The following SLC6A12 variants were observed in gnomAD, a reference collection of about 807,000 sequenced individuals.
SLC6A12 encodes the protein sodium- and chloride-dependent betaine transporter.
Under a neutral mutation model 73.3 loss-of-function variants are expected in SLC6A12, and 50 were observed. That is an observed-to-expected ratio of 0.68 (90% CI 0.54 to 0.86). The LOEUF (loss-of-function observed/expected upper bound fraction) is 0.86. Among genes scored for constraint, SLC6A12 ranks in the 40% least tolerant of loss-of-function variants. SLC6A12 has a pLI of 0.00. For synonymous variants in SLC6A12, 304 were observed against 309.2 expected, an observed-to-expected ratio of 0.98 and a Z score of 0.18; for missense variants, 648 against 772.8, an observed-to-expected ratio of 0.84 and a Z score of 1.92.
In SLC6A12 at chr12:202,774, C is replaced by A. The variant is rs1044903533; in HGVS notation, c.456G>T (p.Leu152=). 8 of 1,613,930 alleles carry A rather than the reference C, an allele frequency of 5.0e-6. No homozygotes were observed. In the African/African-American group the frequency reaches 8.0e-5, roughly 16 times the overall value. Reference sequence around the variant, plus strand: ...AAAAGTTGTTGCAGGTCGTCCAGGGCAGCTCAGAAGTGAAGGAGCTGAACA... The same window carrying A: ...AAAAGTTGTTGCAGGTCGTCCAGGGAAGCTCAGAAGTGAAGGAGCTGAACA... The part of the protein sequence containing the change: ...FYLFSSFTSE[L]PWTTCNNFWN... The change falls in exon 5 of 16, where the codon CTG becomes CTT. Residue 152 remains leucine, a synonymous_variant. Coordinates refer to ENST00000684302, the MANE Select transcript of SLC6A12 (RefSeq NM_001122848.3).
At chr12:189,925 C>T (rs945903593), downstream of SLC6A12, among the ~76,000 whole-genome samples, 3 of 152,232 alleles carry the variant, frequency 2.0e-5, no homozygotes, top group African/African-American at 4.8e-5. Flanking sequence ...GGGAGGACAT[C>T]GGGCCAGGTG....
downstream of SLC6A12, among the ~76,000 whole-genome samples, chr12:186,441 G>A (rs1404307337): frequency 2.6e-5 from 4 of 152,218 alleles, no homozygotes; most frequent in Non-Finnish European, 5.9e-5. Flanking sequence ...ACAACCATAT[G>A]CATTTCTCAC....
At chr12:187,679 T>C (rs1939462002), downstream of SLC6A12, among the ~76,000 whole-genome samples, 1 of 145,212 alleles carries the variant, frequency 6.9e-6, no homozygotes, top group Non-Finnish European at 1.5e-5. Context: ...CCCCAGCGGG[T>C]TACCACTAGG....
In SLC6A12 at chr12:212,564, T is replaced by C. The variant is rs140853688; in HGVS notation, c.-142-454A>G. Among the ~76,000 whole-genome samples, 259 of 152,292 alleles carry C rather than the reference T, an allele frequency of 1.7e-3. 2 individuals are homozygous for C. Among genetic ancestry groups the C allele is most frequent in the African/African-American group, 5.8e-3 (243 of 41,548 alleles). On this transcript the variant is annotated intron_variant, in intron 1 of 15. Coordinates refer to ENST00000684302, the MANE Select transcript of SLC6A12 (RefSeq NM_001122848.3). ...AAAAGTAATCGGGAGGAGCGTAACT[T>C]GTGGTTCAGAATGAAAATCCAGAAC...
At chr12:186,144 G>A (rs892663936), downstream of SLC6A12, among the ~76,000 whole-genome samples, 1 of 152,120 alleles carries the variant, frequency 6.6e-6, no homozygotes, top group Admixed American at 6.5e-5. Context: ...GGGCACGAGG[G>A]GGCTGAGGGA....
downstream of SLC6A12, among the ~76,000 whole-genome samples, chr12:189,837 GC>G (rs1367867840): frequency 1.7e-5 from 2 of 115,732 alleles, no homozygotes; most frequent in East Asian, 2.4e-4. Context: ...CCCCACACCC[GC>G]CCCCTGGGAC....
intron 11 of SLC6A12, among the ~76,000 whole-genome samples, chr12:196,500 G>A (rs952015022): frequency 3.3e-5 from 5 of 152,204 alleles, no homozygotes; most frequent in African/African-American, 1.2e-4. Context: ...AGGCTCAGGG[G>A]CTGGGGCTGG....
chr12:187,589 CAAAAAAAAAA>C (rs761187495), downstream of SLC6A12, among the ~76,000 whole-genome samples: 75 of 106,022 alleles, frequency 7.1e-4, no homozygotes, highest in East Asian at 2.1e-3. Context: ...TGCAAAAGAG[CAAAAAAAAAA>C]AAAAAAAAAA....
intron 9 of SLC6A12, 92 bp from the exon 10 acceptor site, chr12:197,593 G>T: frequency 7.4e-7 from 1 of 1,352,098 alleles, no homozygotes; most frequent in Non-Finnish European, 1.0e-6. Flanking sequence ...AAAAGACAGT[G>T]AGAGGGGACC....
intron 2 of SLC6A12, 72 bp downstream of exon 2, chr12:211,954 A>G (rs1940918646): frequency 6.6e-6 from 1 of 152,220 alleles, no homozygotes; most frequent in African/African-American, 2.4e-5. Flanking sequence ...TGAAGCTCCA[A>G]GAGATTAAGG....
In SLC6A12 at chr12:190,864, T is replaced by A. The variant is rs985085586; in HGVS notation, c.*204A>T. 4.1e-5 allele frequency: 16 copies of A among 389,014 alleles called. No individual in the cohort carries two copies. The highest frequency in any genetic ancestry group is 5.8e-5 in the Non-Finnish European group (13 of 223,074). 24.1% of individuals were successfully genotyped at this position (389,014 alleles called of 1,614,324 possible). On this transcript the variant is annotated 3_prime_UTR_variant, in exon 16 of 16. Transcript: ENST00000684302. ...GGCGTCCCAACATGGCACGTCCCAG[T>A]GGTGGTGTTATCAGCAAAGGGGAAG...
rs769139637 is a variant in SLC6A12, at chr12:197,469, G to T, written c.983C>A (p.Ala328Asp). The T allele has an allele frequency of 1.9e-6, 3 of 1,613,886 alleles. No homozygotes were observed. The Admixed American group carries it at 5.0e-5, about 27-fold the overall frequency. The change falls in exon 10 of 16, where the codon GCC (alanine) becomes GAC (aspartate). Residue 328 changes from alanine to aspartate, a missense_variant. Ala to Asp is a moderately radical substitution (Grantham distance 126, BLOSUM62 -2). Transcript: ENST00000684302. The stretch of plus-strand genomic sequence containing the variant: ...AACAAACCCAGCCACAAAGCTGGTG[G>T]CACTGTTCAGGAAGCAGAGGGCGAT... ...DCIALCFLNS[A>D]TSFVAGFVVF...
chr12:184,766 A>AT, the SLC6A12 span, among the ~76,000 whole-genome samples: 1 of 151,776 alleles, frequency 6.6e-6, no homozygotes, highest in African/African-American at 2.4e-5. Context: ...AAATAAATAA[A>AT]AAAATAAAAA....
chr12:202,642 T>A (rs975266088), intron 5 of SLC6A12, 98 bp downstream of exon 5: 201 of 1,311,496 alleles, frequency 1.5e-4, no homozygotes, highest in Non-Finnish European at 2.0e-4. Context: ...GCCAGGCAGG[T>A]TCTGCTACAC....
rs1039686086 is a variant in SLC6A12, at chr12:192,648, C to G, written c.1531G>C (p.Ala511Pro). ...TTGCTCAAGGAGAAGAGGAAAGTGGCCTGGGAGAAGGAAGGGGCAGCCATG... is the reference window on the plus strand; with the variant it reads ...TTGCTCAAGGAGAAGAGGAAAGTGGGCTGGGAGAAGGAAGGGGCAGCCATG... ...WLFLTPGLCL[A>P]TFLFSLSKYT... The change falls in exon 15 of 16, where the codon GCC (alanine) becomes CCC (proline). Residue 511 changes from alanine (A) to proline (P), a missense_variant and splice_region_variant. Physicochemically the swap from Ala to Pro is conservative, Grantham distance 27 (BLOSUM62 -1). Coordinates refer to ENST00000684302, the MANE Select transcript of SLC6A12 (RefSeq NM_001122848.3). 1 of 1,613,804 alleles carries G rather than the reference C, an allele frequency of 6.2e-7. No individual in the cohort carries two copies. Among genetic ancestry groups the G allele is most frequent in the African/African-American group, 1.3e-5 (1 of 74,862 alleles).
intron 7 of SLC6A12, chr12:199,846 C>T (rs1940117594): frequency 6.6e-6 from 1 of 152,146 alleles, no homozygotes; most frequent in Non-Finnish European, 1.5e-5. Context: ...AAACTCGCCA[C>T]CTCAAAGACA....
intron 1 of SLC6A12, among the ~76,000 whole-genome samples, chr12:212,866 C>T (rs1940960861): frequency 6.6e-6 from 1 of 152,126 alleles, no homozygotes; most frequent in Non-Finnish European, 1.5e-5. Flanking sequence ...TCCAAGGCCG[C>T]CCACCTGCTT....
At chr12:200,253 T>A (rs112002399) in intron 7 of SLC6A12, among the ~76,000 whole-genome samples, 5 of 148,592 alleles carry the variant, frequency 3.4e-5, no homozygotes, top group East Asian at 2.0e-4. Context: ...GGACTACAGG[T>A]GCCCACCACC....
the SLC6A12 span, among the ~76,000 whole-genome samples, chr12:184,663 T>C: frequency 6.6e-6 from 1 of 152,068 alleles, no homozygotes; most frequent in Non-Finnish European, 1.5e-5. Flanking sequence ...GGCAGGAGAA[T>C]GGCGTGAACC....
Sources: allele counts gnomAD v4.1 joint callset (sites outside exome capture counted in the v4.1 genomes callset), GRCh38; gene constraint gnomAD v4.1.1; transcripts MANE v1.5; gene names NCBI Gene and HGNC (gene_info 2026-07-23, HGNC 2026-07-21).